Variants in IBSP observed in about 807,000 individuals in gnomAD.
The protein encoded by IBSP is integrin binding sialoprotein.
A neutral mutation model predicts 25.5 loss-of-function variants in IBSP; 19 were observed. The observed-to-expected ratio is 0.74, with a 90% CI of 0.52 to 1.09. The LOEUF is 1.09. IBSP is among the 50% of genes least tolerant of loss of function. The probability of loss-of-function intolerance (pLI) is 0.00; values close to 1 mark genes in which losing one functional copy is unlikely to be tolerated. For missense variants in IBSP, 360 were observed against 382.3 expected, an observed-to-expected ratio of 0.94 and a Z score of 0.49; for synonymous variants, 144 against 137.6, an observed-to-expected ratio of 1.05 and a Z score of -0.33.
chr4:87,811,718 C>T lies in IBSP; in HGVS notation c.762C>T (p.Thr254=). 1 of 1,614,010 alleles carries T rather than the reference C, an allele frequency of 6.2e-7. No homozygotes were observed. Among genetic ancestry groups the T allele is most frequent in the Non-Finnish European group, 8.5e-7 (1 of 1,179,994 alleles). ...CCACTTCCCCACCTTTTGGGAAAAC[C>T]ACCACCGTTGAATACGAGGGGGAGT... ...YRTTSPPFGK[T]TTVEYEGEYE... Residue 254 remains threonine, a synonymous_variant, in exon 7 of 7, where the codon ACC becomes ACT. Transcript: ENST00000226284.
chr4:87,804,033 T>C (rs1722058535), intron 4 of IBSP, among the ~76,000 whole-genome samples: 1 of 152,182 alleles, frequency 6.6e-6, no homozygotes, highest in South Asian at 2.1e-4. Flanking sequence ...ATTACATTTC[T>C]CAATATTGAT....
intron 4 of IBSP, among the ~76,000 whole-genome samples, chr4:87,803,338 A>C (rs1214651922): frequency 6.6e-6 from 1 of 151,302 alleles, no homozygotes; most frequent in East Asian, 1.9e-4. Flanking sequence ...GACGTGCACC[A>C]AAAAAGCTTG....
rs764288009 is a variant in IBSP, at chr4:87,811,536, G to A, written c.580G>A (p.Gly194Arg). ...TEAENGNGSSGGDNGEEGEEE... is the reference protein window; with the variant it reads ...TEAENGNGSSRGDNGEEGEEE... Reference sequence around the variant, plus strand: ...GGCAGAAAACGGCAACGGCAGCAGCGGAGGAGACAATGGAGAAGAAGGGGA... The same window carrying A: ...GGCAGAAAACGGCAACGGCAGCAGCAGAGGAGACAATGGAGAAGAAGGGGA... The change falls in exon 7 of 7, where the codon GGA (glycine) becomes AGA (arginine). Residue 194 changes from glycine to arginine, a missense_variant. Coordinates refer to ENST00000226284, the MANE Select transcript of IBSP (RefSeq NM_004967.4). 47 of 1,613,794 alleles carry A rather than the reference G, an allele frequency of 2.9e-5. No homozygotes were observed. The highest frequency in any genetic ancestry group is 6.7e-5 in the Admixed American group (4 of 59,966).
intron 5 of IBSP, among the ~76,000 whole-genome samples, chr4:87,809,622 C>T (rs1261411978): frequency 1.3e-5 from 2 of 152,184 alleles, no homozygotes; most frequent in African/African-American, 4.8e-5. Context: ...GTGAAATTTA[C>T]AAATTTGATG....
At chr4:87,810,481 C>CT in intron 5 of IBSP, 125 bp from the exon 6 acceptor site, 4 of 704,340 alleles carry the variant, frequency 5.7e-6, no homozygotes, top group Non-Finnish European at 9.7e-6. Context: ...TTTGAGTGAT[C>CT]AGCCAGCTGA....
At chr4:87,810,561 T>A (rs1489431871) in intron 5 of IBSP, 45 bp from the exon 6 acceptor site, 3 of 1,425,820 alleles carry the variant, frequency 2.1e-6, no homozygotes, top group Middle Eastern at 1.8e-4. Flanking sequence ...TCTTGAACTA[T>A]CTTCCAGGTA....
At chr4:87,808,168 A>G (rs1321042548) in intron 5 of IBSP, among the ~76,000 whole-genome samples, 1 of 151,858 alleles carries the variant, frequency 6.6e-6, no homozygotes, top group Non-Finnish European at 1.5e-5. Context: ...TAAACTATTT[A>G]GTCTCATAAA....
chr4:87,807,752 A>G (rs1381965), intron 5 of IBSP, among the ~76,000 whole-genome samples: 2 of 152,058 alleles, frequency 1.3e-5, no homozygotes, highest in African/African-American at 4.8e-5. Flanking sequence ...GGATCTCTGA[A>G]CATTTAAGGT....
At chr4:87,802,231 A>G (rs978093699) in intron 1 of IBSP, 117 bp from the exon 2 acceptor site, 1 of 625,214 alleles carries the variant, frequency 1.6e-6, no homozygotes, top group Non-Finnish European at 2.8e-6. Context: ...TTAATTAGTC[A>G]AAGTGATAAT....
intron 5 of IBSP, among the ~76,000 whole-genome samples, chr4:87,809,507 A>G (rs1722139051): frequency 2.2e-5 from 2 of 91,826 alleles, no homozygotes; most frequent in Admixed American, 2.2e-4. Context: ...AAGCATAAAC[A>G]TAAAACAATA....
At position 87,806,130 on chromosome 4, in the gene IBSP, T is replaced by A; in HGVS notation, c.192T>A (p.Ser64Arg). 6.2e-7 allele frequency: 1 copy of A among 1,611,108 alleles called. No individual in the cohort carries two copies. The highest frequency in any genetic ancestry group is 8.5e-7 in the Non-Finnish European group (1 of 1,178,430). The change falls in exon 5 of 7, where the codon AGT (serine) becomes AGA (arginine). Residue 64 changes from serine to arginine, a missense_variant. By Grantham distance (110) the Ser-to-Arg change is moderately radical (BLOSUM62 -1). Coordinates refer to ENST00000226284, the MANE Select transcript of IBSP (RefSeq NM_004967.4). ...TGTGTATATATTTTTAGGGCAGTAG[T>A]GACTCATCCGAAGAAAATGGAGATG... ...HLKRFPVQGS[S>R]DSSEENGDDS... is the part of the protein sequence containing the mutation.
chr4:87,811,370 TATA>T lies in IBSP; in HGVS notation c.416_418del (p.Ile139del). 6.2e-7 allele frequency: 1 copy of T among 1,607,654 alleles called. No homozygotes were observed. The highest frequency in any genetic ancestry group is 8.5e-7 in the Non-Finnish European group (1 of 1,177,968). ...CAAACGTTTCCTTACAGGCTGGGGA[TATA>T]ACAAATAAAGCTACAAAAGAGAAGG... On this transcript the variant is annotated inframe_deletion, in exon 7 of 7. Transcript: ENST00000226284.
intron 4 of IBSP, among the ~76,000 whole-genome samples, chr4:87,803,843 G>C (rs1045450053): frequency 6.6e-6 from 1 of 152,220 alleles, no homozygotes; most frequent in Non-Finnish European, 1.5e-5. Flanking sequence ...TCATTTGAAA[G>C]TTTGCTTTGT....
chr4:87,804,376 C>T (rs1722063582), intron 4 of IBSP, among the ~76,000 whole-genome samples: 2 of 152,138 alleles, frequency 1.3e-5, no homozygotes, highest in South Asian at 4.1e-4. Context: ...TACCAAGTTA[C>T]AATGACATAT....
At chr4:87,804,340 G>A (rs1722063140) in intron 4 of IBSP, among the ~76,000 whole-genome samples, 1 of 152,110 alleles carries the variant, frequency 6.6e-6, no homozygotes, top group South Asian at 2.1e-4. Context: ...AAACAAATCT[G>A]CATTTATATA....
chr4:87,809,581 T>C (rs1201514835), intron 5 of IBSP, among the ~76,000 whole-genome samples: 1 of 152,216 alleles, frequency 6.6e-6, no homozygotes, highest in African/African-American at 2.4e-5. Flanking sequence ...TGGGGTATAC[T>C]CTGGTGGTAT....
chr4:87,812,046 T>A lies in IBSP; in HGVS notation c.*136T>A. On this transcript the variant is annotated 3_prime_UTR_variant, in exon 7 of 7. Coordinates refer to ENST00000226284, the MANE Select transcript of IBSP (RefSeq NM_004967.4). ...TGGTACTACCGTTCCAGATTTTCTG[T>A]AATTGCTTCTGCAAAGTAATAGGCT... 3.2e-6 allele frequency: 2 copies of A among 634,848 alleles called. No individual in the cohort carries two copies. Among genetic ancestry groups the A allele is most frequent in the Non-Finnish European group, 2.5e-6 (1 of 392,794 alleles). The allele number at this position is 634,848 out of a possible 1,614,324, so 39.3% of individuals were successfully genotyped here.
rs1397416315 is a variant in IBSP at position 87,802,725 on chromosome 4, A to C, written c.177A>C (p.Pro59=). ...AYFYPHLKRF[P]VQGSSDSSEE... is the part of the protein sequence containing the mutation. ...TTTATCCTCATTTAAAACGATTTCC[A>C]GTTCAGGTAAATATAGAAATTCATT... is the stretch of plus-strand genomic sequence containing the variant. Residue 59 remains proline, a synonymous_variant, in exon 4 of 7, where the codon CCA becomes CCC. Coordinates refer to ENST00000226284, the MANE Select transcript of IBSP (RefSeq NM_004967.4). The C allele has an allele frequency of 3.3e-6, 5 of 1,534,294 alleles. No homozygotes were observed. The highest frequency in any genetic ancestry group is 4.4e-6 in the Non-Finnish European group (5 of 1,147,528).
At chr4:87,810,454 C>T in intron 5 of IBSP, 152 bp from the exon 6 acceptor site, 1 of 618,096 alleles carries the variant, frequency 1.6e-6, no homozygotes, top group Middle Eastern at 4.2e-4. Context: ...GTGCAAATGG[C>T]ATAGGGGAAG....
Sources: gnomAD v4.1 joint callset for allele counts (sites outside exome capture counted in the v4.1 genomes callset) on GRCh38, gnomAD v4.1.1 for gene constraint, MANE v1.5 for transcripts, NCBI Gene and HGNC (gene_info 2026-07-23, HGNC 2026-07-21) for gene names.